The following RBFOX1 variants were observed in gnomAD, a reference collection of about 807,000 sequenced individuals.
RBFOX1 encodes the protein RNA binding fox-1 homolog 1, also known as RNA binding protein fox-1 homolog 1.
In RBFOX1, 8 loss-of-function variants were observed where a neutral mutation model predicts 57.7. That is an observed-to-expected ratio of 0.14 (90% confidence interval 0.08 to 0.25). The LOEUF (loss-of-function observed/expected upper bound fraction) is 0.25, where lower values mean the gene tolerates loss of function less well. RBFOX1 is among the 10% of genes least tolerant of loss of function. The pLI, the probability that RBFOX1 is intolerant of heterozygous loss-of-function variation, is 1.00. For missense variants in RBFOX1, 611 were observed against 548.5 expected (o/e 1.11, Z -1.14); for synonymous variants, 326 against 222.4 (o/e 1.47, Z -4.15).
intron 4 of RBFOX1, among the ~76,000 whole-genome samples, chr16:5,984,682 G>C (rs1555462659): frequency 6.6e-6 from 1 of 152,074 alleles, no homozygotes; most frequent in Non-Finnish European, 1.5e-5. Flanking sequence ...TCTGAGAAGT[G>C]CATCGTTAGG....
intron 14 of RBFOX1, among the ~76,000 whole-genome samples, chr16:7,708,792 G>A (rs555093043): frequency 6.7e-6 from 1 of 149,232 alleles, no homozygotes; most frequent in African/African-American, 2.5e-5. Flanking sequence ...AGTATTATGG[G>A]GGGAGGCAGG....
At chr16:7,523,857 A>G (rs2078064756) in intron 5 of RBFOX1, among the ~76,000 whole-genome samples, 2 of 152,198 alleles carry the variant, frequency 1.3e-5, no homozygotes, top group African/African-American at 2.4e-5. Context: ...GGTCTATGAC[A>G]AGTTTACTTC....
At position 7,518,229 on chromosome 16, in the gene RBFOX1, T is replaced by A. The variant is rs1249804342; in HGVS notation, c.110T>A (p.Ile37Asn). The A allele has an allele frequency of 6.2e-7, 1 of 1,613,906 alleles. No individual in the cohort carries two copies. Among genetic ancestry groups the A allele is most frequent in the African/African-American group, 1.3e-5 (1 of 74,880 alleles). The change falls in exon 5 of 16, where the codon ATC becomes AAC. Residue 37 changes from isoleucine (I) to asparagine (N), a missense_variant. Around this residue, in one of 3 missense-constraint regions of RBFOX1, gnomAD observed 245 missense variants for 159.1 expected, o/e 1.54. Transcript: ENST00000550418. ...CAGTTTGCTCCCCCGCAGAACGGTA[T>A]CCCCGCGGAATACACGGCCCCTCAT... The part of the protein sequence containing the change: ...SAQFAPPQNG[I>N]PAEYTAPHPH...
At chr16:5,854,942 T>C (rs970621168) in intron 3 of RBFOX1, among the ~76,000 whole-genome samples, 1 of 152,210 alleles carries the variant, frequency 6.6e-6, no homozygotes, top group African/African-American at 2.4e-5. Flanking sequence ...TGATACCTCA[T>C]TGTGGTTTTG....
chr16:7,208,858 A>G (rs1237834570), intron 4 of RBFOX1, among the ~76,000 whole-genome samples: 1 of 152,034 alleles, frequency 6.6e-6, no homozygotes, highest in African/African-American at 2.4e-5. Context: ...AGATAAACAG[A>G]CAAAAAGCCC....
At chr16:7,673,452 A>AT (rs2072243157) in intron 13 of RBFOX1, among the ~76,000 whole-genome samples, 1 of 152,180 alleles carries the variant, frequency 6.6e-6, no homozygotes, top group South Asian at 2.1e-4. Context: ...TACACCTGTA[A>AT]TCCCAGCACT....
In RBFOX1 at chr16:6,364,124, G is replaced by A. The variant is rs1006600370; in HGVS notation, c.-64+47067G>A. ...CCCTCTTGGATCCTTATGCCACAACGTCTGTTCCCTGCTGTACTGAGAAGT... is the reference window on the plus strand; with the variant it reads ...CCCTCTTGGATCCTTATGCCACAACATCTGTTCCCTGCTGTACTGAGAAGT... On this transcript the variant is annotated intron_variant, in intron 2 of 15. Transcript: ENST00000550418. 2.0e-5 allele frequency among the ~76,000 whole-genome samples: 3 copies of A among 152,172 alleles called. No homozygotes were observed. In the East Asian group the frequency reaches 5.8e-4, roughly 29 times the overall value.
chr16:7,540,118 T>C (rs1056278908), intron 5 of RBFOX1, among the ~76,000 whole-genome samples: 2 of 152,210 alleles, frequency 1.3e-5, no homozygotes, highest in Non-Finnish European at 2.9e-5. Context: ...GTGGTGGGAT[T>C]CTTCTAACCC....
At chr16:6,951,987 A>G (rs953961580) in intron 3 of RBFOX1, among the ~76,000 whole-genome samples, 3 of 152,184 alleles carry the variant, frequency 2.0e-5, no homozygotes, top group South Asian at 2.1e-4. Flanking sequence ...GGGCATGGCA[A>G]CATTACCAAA....
intron 3 of RBFOX1, among the ~76,000 whole-genome samples, chr16:5,795,749 C>G (rs991702923): frequency 3.9e-5 from 6 of 152,216 alleles, no homozygotes; most frequent in African/African-American, 1.2e-4. Flanking sequence ...TCATATATCC[C>G]TCCTAACTTT....
intron 3 of RBFOX1, among the ~76,000 whole-genome samples, chr16:5,829,062 G>A (rs1418091434): frequency 1.3e-5 from 2 of 152,096 alleles, no homozygotes; most frequent in African/African-American, 4.8e-5. Flanking sequence ...CCCTTTCCCT[G>A]TGCTGCATTC....
At chr16:5,664,495 C>G (rs996818989) in intron 3 of RBFOX1, among the ~76,000 whole-genome samples, 2 of 152,050 alleles carry the variant, frequency 1.3e-5, no homozygotes, top group Admixed American at 6.6e-5. Flanking sequence ...TGCAATGAAC[C>G]GAGATTGCAT....
At chr16:6,589,289 A>G (rs866986266) in intron 2 of RBFOX1, among the ~76,000 whole-genome samples, 1 of 152,320 alleles carries the variant, frequency 6.6e-6, no homozygotes, top group East Asian at 1.9e-4. Flanking sequence ...GGAAATTGCA[A>G]TAGAAAATAT....
chr16:5,714,408 C>T (rs1399543006), intron 3 of RBFOX1, among the ~76,000 whole-genome samples: 1 of 152,174 alleles, frequency 6.6e-6, no homozygotes, highest in Non-Finnish European at 1.5e-5. Flanking sequence ...GAAATGGATA[C>T]AGAGAACATG....
At chr16:7,475,408 G>A (rs113266465) in intron 4 of RBFOX1, among the ~76,000 whole-genome samples, 3,414 of 151,190 alleles carry the variant, frequency 0.023, 45 homozygotes, top group Middle Eastern at 0.048. Context: ...TCTGCCTCCC[G>A]GGTTCAAGCA....
intron 3 of RBFOX1, among the ~76,000 whole-genome samples, chr16:5,775,137 C>T (rs573602237): frequency 6.6e-6 from 1 of 152,144 alleles, no homozygotes; most frequent in East Asian, 1.9e-4. Context: ...GAATGTAGTC[C>T]ACACCCCCAA....
chr16:6,406,592 T>TC (rs1310328056), intron 2 of RBFOX1, among the ~76,000 whole-genome samples: 2 of 149,830 alleles, frequency 1.3e-5, no homozygotes, highest in East Asian at 3.9e-4. Context: ...TTTTTTTTTT[T>TC]CATTTTAAGC....
At chr16:6,793,202 A>T (rs974443234) in intron 3 of RBFOX1, among the ~76,000 whole-genome samples, 1 of 152,204 alleles carries the variant, frequency 6.6e-6, no homozygotes, top group Non-Finnish European at 1.5e-5. Flanking sequence ...AAACAGTATA[A>T]TTTTTAAAAA....
intron 4 of RBFOX1, among the ~76,000 whole-genome samples, chr16:5,874,856 G>C (rs2057564553): frequency 6.6e-6 from 1 of 152,114 alleles, no homozygotes; most frequent in African/African-American, 2.4e-5. Flanking sequence ...GAGACGGGAG[G>C]ATCACTTGGG....
Sources: gnomAD v4.1 joint callset for allele counts (sites outside exome capture counted in the v4.1 genomes callset) on GRCh38, gnomAD v4.1.1 for gene constraint, gnomAD v4.1.1 regional missense constraint, MANE v1.5 for transcripts, NCBI Gene and HGNC (gene_info 2026-07-23, HGNC 2026-07-21) for gene names.